The following TMEM132C variants were observed in gnomAD, a reference collection of about 807,000 sequenced individuals.
TMEM132C encodes protein phosphatase 1, regulatory subunit 152.
A neutral mutation model predicts 61.4 loss-of-function variants in TMEM132C; 29 were observed. That is an observed-to-expected ratio of 0.47 (90% CI 0.35 to 0.64). The LOEUF is 0.64. Among genes scored for constraint, TMEM132C ranks in the 30% least tolerant of loss-of-function variants. TMEM132C has a pLI of 0.00. For missense variants in TMEM132C, 1,408 were observed against 1,476.9 expected (o/e 0.95, Z 0.76); for synonymous variants, 656 against 633.1 (o/e 1.04, Z -0.54).
intron 1 of TMEM132C, among the ~76,000 whole-genome samples, chr12:128,334,064 C>T (rs891406227): frequency 3.3e-5 from 5 of 151,982 alleles, no homozygotes; most frequent in Non-Finnish European, 5.9e-5. Flanking sequence ...GAGAAGGCCG[C>T]GGATGCTCTC....
At chr12:128,480,344 C>G (rs532189864) in intron 2 of TMEM132C, among the ~76,000 whole-genome samples, 5 of 152,192 alleles carry the variant, frequency 3.3e-5, no homozygotes, top group South Asian at 2.1e-4. Context: ...TCTGCATGGA[C>G]CTTCTTCGTG....
At chr12:128,436,430 A>G (rs542848268) in intron 2 of TMEM132C, among the ~76,000 whole-genome samples, 2 of 152,382 alleles carry the variant, frequency 1.3e-5, no homozygotes, top group African/African-American at 4.8e-5. Context: ...CAGAATCTAC[A>G]AAGAACTTAA....
intron 2 of TMEM132C, among the ~76,000 whole-genome samples, chr12:128,426,154 T>C (rs1869174985): frequency 6.6e-6 from 1 of 152,214 alleles, no homozygotes; most frequent in Non-Finnish European, 1.5e-5. Flanking sequence ...CTTCGCCACG[T>C]GGAGAATAAA....
chr12:128,705,891 G>A lies in TMEM132C; in HGVS notation c.2923G>A (p.Gly975Ser). The A allele has an allele frequency of 6.4e-7, 1 of 1,551,320 alleles. No homozygotes were observed. The highest frequency in any genetic ancestry group is 1.2e-5 in the South Asian group (1 of 84,062). Reference sequence around the variant, plus strand: ...CCACTCTCACGACTGGGTGTGGCTTGGCAATGAGGCCGAACTCCTGGAGAG... The same window carrying A: ...CCACTCTCACGACTGGGTGTGGCTTAGCAATGAGGCCGAACTCCTGGAGAG... ...MTHSHDWVWL[G>S]NEAELLESMG... is the part of the protein sequence containing the mutation. Residue 975 changes from glycine (G) to serine (S), a missense_variant, in exon 9 of 9, where the codon GGC becomes AGC. Coordinates refer to ENST00000435159, the MANE Select transcript of TMEM132C (RefSeq NM_001136103.3).
intron 1 of TMEM132C, among the ~76,000 whole-genome samples, chr12:128,331,480 A>G (rs1162434653): frequency 6.6e-6 from 1 of 151,954 alleles, no homozygotes; most frequent in African/African-American, 2.4e-5. Context: ...ACATGTACAC[A>G]TTTTTTTGGC....
At chr12:128,538,644 C>T (rs1425335672) in intron 2 of TMEM132C, among the ~76,000 whole-genome samples, 1 of 152,178 alleles carries the variant, frequency 6.6e-6, no homozygotes, top group Non-Finnish European at 1.5e-5. Flanking sequence ...CCTTTTACTG[C>T]TTCTCTCCAC....
At chr12:128,345,980 G>A (rs1470920299) in intron 1 of TMEM132C, among the ~76,000 whole-genome samples, 1 of 152,086 alleles carries the variant, frequency 6.6e-6, no homozygotes, top group African/African-American at 2.4e-5. Flanking sequence ...GTTCTGAATG[G>A]TATTGCCTAG....
intron 2 of TMEM132C, among the ~76,000 whole-genome samples, chr12:128,515,191 T>C (rs1165734663): frequency 6.6e-6 from 1 of 152,198 alleles, no homozygotes; most frequent in Non-Finnish European, 1.5e-5. Context: ...CCGTGTAACC[T>C]GTTTCTAGCC....
Position 128,596,473 on chromosome 12 carries a change from A to G in TMEM132C, c.1122-19679A>G, listed in dbSNP as rs186138230. On this transcript the variant is annotated intron_variant, in intron 3 of 8. Coordinates refer to ENST00000435159, the MANE Select transcript of TMEM132C (RefSeq NM_001136103.3). ...GAGGTGGCAGGGCTTCACTGATCCC[A>G]TGTTCTCTCCGTCACACTGGGCTGC... 3.1e-3 allele frequency among the ~76,000 whole-genome samples: 320 copies of G among 102,644 alleles called. 1 individual carries two copies. The highest frequency in any genetic ancestry group is 0.018 in the South Asian group (54 of 3,046). The allele number at this position is 102,644 out of a possible 152,430, so 67.3% of individuals were successfully genotyped here.
At chr12:128,476,140 T>A (rs1871147057) in intron 2 of TMEM132C, among the ~76,000 whole-genome samples, 1 of 152,216 alleles carries the variant, frequency 6.6e-6, no homozygotes, top group Non-Finnish European at 1.5e-5. Context: ...CATCCCTGCA[T>A]TCTCCTCTGA....
intron 5 of TMEM132C, among the ~76,000 whole-genome samples, chr12:128,684,572 G>A (rs1954659938): frequency 6.6e-6 from 1 of 152,254 alleles, no homozygotes; most frequent in Admixed American, 6.5e-5. Context: ...ATGGACAGCA[G>A]TCCTGAGCCG....
chr12:128,482,099 A>G (rs951059715), intron 2 of TMEM132C, among the ~76,000 whole-genome samples: 1 of 152,244 alleles, frequency 6.6e-6, no homozygotes, highest in African/African-American at 2.4e-5. Context: ...AGTTTTTAGC[A>G]TGAAGGGGTG....
intron 4 of TMEM132C, among the ~76,000 whole-genome samples, chr12:128,632,711 G>A (rs773292088): frequency 1.3e-5 from 2 of 152,180 alleles, no homozygotes; most frequent in Non-Finnish European, 2.9e-5. Flanking sequence ...GAATCAATAA[G>A]GTCACTGAAT....
intron 2 of TMEM132C, among the ~76,000 whole-genome samples, chr12:128,498,682 A>G (rs1872054368): frequency 6.6e-6 from 1 of 152,168 alleles, no homozygotes; most frequent in African/African-American, 2.4e-5. Context: ...AAAAGAAAAA[A>G]AAAGAATCTG....
At chr12:128,674,918 G>A (rs138717443) in intron 5 of TMEM132C, among the ~76,000 whole-genome samples, 1 of 151,214 alleles carries the variant, frequency 6.6e-6, no homozygotes, top group Non-Finnish European at 1.5e-5. Flanking sequence ...GGCACCTTCT[G>A]ATTTATCACA....
intron 3 of TMEM132C, among the ~76,000 whole-genome samples, chr12:128,598,026 C>G (rs1371680313): frequency 6.6e-6 from 1 of 152,144 alleles, no homozygotes; most frequent in Admixed American, 6.5e-5. Flanking sequence ...CAGGGGCTCC[C>G]CAGAGCACGT....
intron 1 of TMEM132C, among the ~76,000 whole-genome samples, chr12:128,377,399 C>A (rs192407029): frequency 1.3e-5 from 2 of 152,258 alleles, no homozygotes; most frequent in Non-Finnish European, 2.9e-5. Context: ...TTTGCCTCAG[C>A]GGGCTCACTA....
intron 1 of TMEM132C, among the ~76,000 whole-genome samples, chr12:128,358,425 T>A (rs1018829784): frequency 6.6e-6 from 1 of 151,696 alleles, no homozygotes. Context: ...AGTTTGATTT[T>A]TCACTAAAAA....
At chr12:128,295,648 AAAAAAAAG>A (rs201134150) in intron 1 of TMEM132C, among the ~76,000 whole-genome samples, 31,860 of 148,562 alleles carry the variant, frequency 0.21, 3,719 homozygotes, top group East Asian at 0.48. Context: ...CAAAAAAAAA[AAAAAAAAG>A]AAAGAAAAAA....
Sources: allele counts gnomAD v4.1 joint callset (sites outside exome capture counted in the v4.1 genomes callset), GRCh38; gene constraint gnomAD v4.1.1; transcripts MANE v1.5; gene names NCBI Gene and HGNC (gene_info 2026-07-23, HGNC 2026-07-21).